The following RANBP10 variants were observed in gnomAD, a reference collection of about 807,000 sequenced individuals.
RANBP10 encodes RAN binding protein 10, also known as ran-binding protein 10.
Under a neutral mutation model 72.8 loss-of-function variants are expected in RANBP10, and 24 were observed. That is an observed-to-expected ratio of 0.33 (90% CI 0.24 to 0.46). The LOEUF is 0.46. Ranked by LOEUF, RANBP10 falls within the 20% of genes least tolerant of loss-of-function variation. The pLI is 1.00. For synonymous variants in RANBP10, 310 were observed against 322.3 expected (o/e 0.96, Z 0.41); for missense variants, 679 against 817.5 (o/e 0.83, Z 2.07).
At chr16:67,786,492 T>C (rs1312641915) in intron 2 of RANBP10, among the ~76,000 whole-genome samples, 1 of 152,084 alleles carries the variant, frequency 6.6e-6, no homozygotes, top group Non-Finnish European at 1.5e-5. Flanking sequence ...GGCAAAGGAC[T>C]TGAACAGACA....
chr16:67,734,600 G>T (rs979278038), intron 6 of RANBP10, among the ~76,000 whole-genome samples: 1 of 152,208 alleles, frequency 6.6e-6, no homozygotes, highest in Non-Finnish European at 1.5e-5. Flanking sequence ...CAGCCCTGCT[G>T]GTGATCTTAT....
chr16:67,764,256 C>T (rs938179047), intron 3 of RANBP10, among the ~76,000 whole-genome samples: 1 of 152,142 alleles, frequency 6.6e-6, no homozygotes, highest in African/African-American at 2.4e-5. Context: ...GCCTCTCTTC[C>T]GAGGGCTCAT....
intron 2 of RANBP10, among the ~76,000 whole-genome samples, chr16:67,782,271 C>G (rs564265909): frequency 1.3e-5 from 2 of 152,022 alleles, no homozygotes; most frequent in South Asian, 2.1e-4. Flanking sequence ...CCCTGAATAG[C>G]TGGGACCATA....
At chr16:67,744,941 A>G (rs2054040881) in intron 3 of RANBP10, among the ~76,000 whole-genome samples, 1 of 151,976 alleles carries the variant, frequency 6.6e-6, no homozygotes, top group African/African-American at 2.4e-5. Flanking sequence ...CTCCTGCCTC[A>G]GCCTCCAGAG....
rs373124942 is a variant in RANBP10 at position 67,727,105 on chromosome 16, G to A, written c.1732+222C>T. On this transcript the variant is annotated intron_variant, in intron 13 of 13. Transcript: ENST00000317506. The stretch of plus-strand genomic sequence containing the variant: ...AGGCCAGGAGTTCGAGACCAACCTG[G>A]CCAACATGGCAAAACCCGTCTCTAC... 6.6e-5 allele frequency among the ~76,000 whole-genome samples: 10 copies of A among 152,310 alleles called. No individual in the cohort carries two copies. In the East Asian group the frequency reaches 9.7e-4, roughly 15 times the overall value.
At chr16:67,785,161 G>A (rs900692631) in intron 2 of RANBP10, among the ~76,000 whole-genome samples, 4 of 151,848 alleles carry the variant, frequency 2.6e-5, no homozygotes, top group African/African-American at 7.3e-5. Flanking sequence ...GCAGTGAGCC[G>A]AGATCGTGCC....
At chr16:67,750,518 C>T (rs2054173469) in intron 3 of RANBP10, among the ~76,000 whole-genome samples, 1 of 152,186 alleles carries the variant, frequency 6.6e-6, no homozygotes, top group African/African-American at 2.4e-5. Flanking sequence ...TCATGAGCTC[C>T]TTGGTACAGG....
At chr16:67,762,494 T>C (rs1259879502) in intron 3 of RANBP10, 3 of 152,236 alleles carry the variant, frequency 2.0e-5, no homozygotes, top group Non-Finnish European at 2.9e-5. Context: ...CCAGAATCCA[T>C]GCTCTGCTCC....
chr16:67,750,756 ACTTTC>A (rs2054178641), intron 3 of RANBP10, among the ~76,000 whole-genome samples: 1 of 129,842 alleles, frequency 7.7e-6, no homozygotes, highest in African/African-American at 2.9e-5. Context: ...TCCTTTTTTC[ACTTTC>A]TTTTTTTTTT....
Position 67,734,898 on chromosome 16 carries a change from T to C in RANBP10, c.736A>G (p.Ile246Val), listed in dbSNP as rs953976934. 1.2e-6 allele frequency: 2 copies of C among 1,610,862 alleles called. No individual in the cohort carries two copies. Among genetic ancestry groups the C allele is most frequent in the African/African-American group, 1.3e-5 (1 of 74,972 alleles). The change falls in exon 6 of 14, where the codon ATC becomes GTC. Residue 246 changes from isoleucine to valine, a missense_variant. By Grantham distance (29) the Ile-to-Val change is conservative (BLOSUM62 3). Coordinates refer to ENST00000317506, the MANE Select transcript of RANBP10 (RefSeq NM_020850.3). ...KVQGTVHCFP[I>V]SARLGEWQAV... ...TGCCACTCGCCAAGCCGGGCACTGATGGGGAAGCAGTGGACCGTGCCCTGG... is the reference window on the plus strand; with the variant it reads ...TGCCACTCGCCAAGCCGGGCACTGACGGGGAAGCAGTGGACCGTGCCCTGG...
intron 3 of RANBP10, among the ~76,000 whole-genome samples, chr16:67,771,790 G>C (rs2054611937): frequency 6.6e-6 from 1 of 152,228 alleles, no homozygotes; most frequent in African/African-American, 2.4e-5. Flanking sequence ...ACTCAGGTCA[G>C]TTGACTTTGA....
intron 2 of RANBP10, among the ~76,000 whole-genome samples, chr16:67,804,756 T>C (rs1201356105): frequency 6.6e-6 from 1 of 152,144 alleles, no homozygotes; most frequent in African/African-American, 2.4e-5. Context: ...CTCCAACTCC[T>C]GACCTCAGGT....
At position 67,724,947 on chromosome 16, in the gene RANBP10, G is replaced by A. The variant is rs1350618148; in HGVS notation, c.*1481C>T. On this transcript the variant is annotated 3_prime_UTR_variant, in exon 14 of 14. Coordinates refer to ENST00000317506, the MANE Select transcript of RANBP10 (RefSeq NM_020850.3). ...ATTCCAGCCGTCCTGGTGCTCCTCT[G>A]TGTAGACTTCCTCCCTTTCCTCCTC... 6.5e-6 allele frequency: 1 copy of A among 152,800 alleles called. No homozygotes were observed. The highest frequency in any genetic ancestry group is 1.9e-4 in the East Asian group (1 of 5,198). 9.5% of individuals were successfully genotyped at this position (152,800 alleles called of 1,614,324 possible). A position where few individuals can be genotyped will look rare whatever the true frequency, so the allele number is the denominator to read the frequency against.
At chr16:67,797,171 C>T (rs1324407657) in intron 2 of RANBP10, among the ~76,000 whole-genome samples, 7 of 152,216 alleles carry the variant, frequency 4.6e-5, no homozygotes, top group Non-Finnish European at 7.3e-5. Flanking sequence ...ATGACCCATA[C>T]AGGGAAAAGA....
At chr16:67,727,197 G>A in intron 13 of RANBP10, 130 bp downstream of exon 13, 1 of 800,044 alleles carries the variant, frequency 1.2e-6, no homozygotes, top group Non-Finnish European at 2.0e-6. Context: ...GGAGGCTGAG[G>A]CACGAAAATT....
At chr16:67,726,645 A>G (rs2053607565) in intron 13 of RANBP10, 87 bp from the exon 14 acceptor site, 1 of 1,422,110 alleles carries the variant, frequency 7.0e-7, no homozygotes, top group African/African-American at 1.4e-5. Flanking sequence ...AGGAGGGGGC[A>G]GTGGACAGAT....
intron 2 of RANBP10, among the ~76,000 whole-genome samples, chr16:67,791,089 C>T (rs1218478723): frequency 6.6e-6 from 1 of 151,822 alleles, no homozygotes; most frequent in African/African-American, 2.4e-5. Flanking sequence ...TCTCGGCTCA[C>T]TGCAACCTCT....
chr16:67,798,723 G>A (rs1213299777), intron 2 of RANBP10, among the ~76,000 whole-genome samples: 1 of 152,150 alleles, frequency 6.6e-6, no homozygotes, highest in Non-Finnish European at 1.5e-5. Context: ...CAACCGCTAT[G>A]AGAAAACCAT....
At chr16:67,760,030 G>A (rs547688284) in intron 3 of RANBP10, among the ~76,000 whole-genome samples, 1 of 151,452 alleles carries the variant, frequency 6.6e-6, no homozygotes, top group East Asian at 1.9e-4. Flanking sequence ...AACCCAGGAG[G>A]CAGAGCTTGC....
Sources: gnomAD v4.1 joint callset for allele counts (sites outside exome capture counted in the v4.1 genomes callset) on GRCh38, gnomAD v4.1.1 for gene constraint, MANE v1.5 for transcripts, NCBI Gene and HGNC (gene_info 2026-07-23, HGNC 2026-07-21) for gene names.